MARCHF3: variants seen among roughly 807,000 people sequenced by gnomAD.
MARCHF3 encodes membrane associated ring-CH-type finger 3.
A neutral mutation model predicts 24.2 loss-of-function variants in MARCHF3; 13 were observed. That is an observed-to-expected ratio of 0.54 (90% CI 0.35 to 0.85). MARCHF3 has a LOEUF of 0.85. Among genes scored for constraint, MARCHF3 ranks in the 40% least tolerant of loss-of-function variants. The pLI, the probability that MARCHF3 is intolerant of heterozygous loss-of-function variation, is 0.01. For missense variants in MARCHF3, 276 were observed against 325.0 expected, an observed-to-expected ratio of 0.85 and a Z score of 1.16; for synonymous variants, 144 against 137.3, an observed-to-expected ratio of 1.05 and a Z score of -0.34.
intron 1 of MARCHF3, among the ~76,000 whole-genome samples, chr5:126,934,257 A>T (rs1749567301): frequency 6.6e-6 from 1 of 152,174 alleles, no homozygotes; most frequent in Non-Finnish European, 1.5e-5. Context: ...GCACTTAAGC[A>T]TATTTGCTGA....
chr5:126,876,840 G>C (rs974278522), intron 4 of MARCHF3, among the ~76,000 whole-genome samples: 1 of 152,162 alleles, frequency 6.6e-6, no homozygotes. Context: ...AGTAGAGACA[G>C]GGTTTCGCCA....
intron 3 of MARCHF3, among the ~76,000 whole-genome samples, chr5:126,910,318 A>G (rs971617263): frequency 6.6e-6 from 1 of 152,242 alleles, no homozygotes; most frequent in Non-Finnish European, 1.5e-5. Flanking sequence ...TGTTACAAGC[A>G]TGCTATTTGC....
At chr5:126,978,180 T>C (rs950169647) in intron 1 of MARCHF3, among the ~76,000 whole-genome samples, 2 of 152,206 alleles carry the variant, frequency 1.3e-5, no homozygotes, top group Non-Finnish European at 2.9e-5. Flanking sequence ...AAACCCTCAG[T>C]AAAACCTACC....
chr5:126,956,996 C>T (rs906650265), intron 1 of MARCHF3, among the ~76,000 whole-genome samples: 5 of 152,222 alleles, frequency 3.3e-5, no homozygotes, highest in African/African-American at 7.2e-5. Flanking sequence ...AGGTGATCCT[C>T]CCACCTCAGC....
At chr5:126,966,894 G>A (rs1750829504) in intron 1 of MARCHF3, among the ~76,000 whole-genome samples, 1 of 30,976 alleles carries the variant, frequency 3.2e-5, no homozygotes, top group East Asian at 8.2e-4. Context: ...CTCTTGTTGG[G>A]CTGTGAGAGC....
At chr5:126,996,613 G>T (rs185819120) in intron 1 of MARCHF3, among the ~76,000 whole-genome samples, 1 of 152,136 alleles carries the variant, frequency 6.6e-6, no homozygotes, top group African/African-American at 2.4e-5. Flanking sequence ...CTTCAGTGGG[G>T]ATATGGATCT....
At chr5:126,913,360 C>T (rs1433663185) in intron 3 of MARCHF3, among the ~76,000 whole-genome samples, 1 of 152,214 alleles carries the variant, frequency 6.6e-6, no homozygotes, top group African/African-American at 2.4e-5. Flanking sequence ...GGGGAGGTTC[C>T]ACAAAGTTTC....
At chr5:126,915,190 G>A in intron 2 of MARCHF3, 56 bp from the exon 3 acceptor site, 8 of 1,562,154 alleles carry the variant, frequency 5.1e-6, no homozygotes, top group Non-Finnish European at 6.1e-6. Flanking sequence ...TCCACCAAGT[G>A]GATGGCCCTC....
intron 1 of MARCHF3, among the ~76,000 whole-genome samples, chr5:127,002,583 T>G (rs1393376220): frequency 1.3e-5 from 2 of 152,228 alleles, no homozygotes; most frequent in Non-Finnish European, 2.9e-5. Flanking sequence ...GTTGGTATGT[T>G]TTCTGCATTG....
At chr5:126,895,790 G>T (rs111706357) in intron 3 of MARCHF3, among the ~76,000 whole-genome samples, 1 of 152,178 alleles carries the variant, frequency 6.6e-6, no homozygotes, top group Non-Finnish European at 1.5e-5. Context: ...GCCCCCAGAG[G>T]TGGAGCCTAC....
chr5:126,920,239 T>C (rs1201630281), intron 1 of MARCHF3, among the ~76,000 whole-genome samples: 3 of 151,894 alleles, frequency 2.0e-5, no homozygotes, highest in African/African-American at 7.3e-5. Context: ...ACAGTTGTTT[T>C]GTTTTGTTTT....
chr5:126,986,947 T>A (rs1751585650), intron 1 of MARCHF3, among the ~76,000 whole-genome samples: 1 of 152,264 alleles, frequency 6.6e-6, no homozygotes, highest in Non-Finnish European at 1.5e-5. Context: ...ATAGAATGTA[T>A]GACAGTTTTA....
chr5:126,937,405 G>A (rs1479435940), intron 1 of MARCHF3, among the ~76,000 whole-genome samples: 1 of 151,874 alleles, frequency 6.6e-6, no homozygotes, highest in East Asian at 1.9e-4. Flanking sequence ...TCATATTCTT[G>A]CTAGAGAAGA....
At position 126,931,283 on chromosome 5, in the gene MARCHF3, G is replaced by A. The variant is rs192670239; in HGVS notation, c.-56-13056C>T. On this transcript the variant is annotated intron_variant, in intron 1 of 4. Coordinates refer to ENST00000308660, the MANE Select transcript of MARCHF3 (RefSeq NM_178450.5). ...GTTTCCCTAGAATGCATTGAGAGCT[G>A]CTGAACCAATGAACCAGCAGGAAAC... Among the ~76,000 whole-genome samples the A allele has an allele frequency of 1.1e-3, 161 of 152,256 alleles. 1 individual carries two copies. The highest frequency in any genetic ancestry group is 3.7e-3 in the African/African-American group (154 of 41,558).
At chr5:127,027,779 T>C (rs1055716670) in intron 1 of MARCHF3, among the ~76,000 whole-genome samples, 4 of 152,260 alleles carry the variant, frequency 2.6e-5, no homozygotes, top group Admixed American at 1.3e-4. Context: ...AATTATTTGT[T>C]AAATCAACTC....
intron 1 of MARCHF3, among the ~76,000 whole-genome samples, chr5:126,960,777 G>A (rs1254102057): frequency 6.6e-6 from 1 of 152,078 alleles, no homozygotes; most frequent in Non-Finnish European, 1.5e-5. Context: ...GAACTGTCTA[G>A]CAGTGTGGCA....
At chr5:126,990,681 G>C (rs1751726113) in intron 1 of MARCHF3, among the ~76,000 whole-genome samples, 1 of 152,078 alleles carries the variant, frequency 6.6e-6, no homozygotes, top group Non-Finnish European at 1.5e-5. Context: ...AATCTACAAA[G>C]AACTTAGACA....
chr5:126,906,438 A>C (rs954406943), intron 3 of MARCHF3, among the ~76,000 whole-genome samples: 2 of 152,292 alleles, frequency 1.3e-5, no homozygotes, highest in Non-Finnish European at 2.9e-5. Flanking sequence ...CTGTGAATCC[A>C]TCTGGTCCTG....
chr5:126,990,575 C>A (rs1751718579), intron 1 of MARCHF3, among the ~76,000 whole-genome samples: 1 of 152,154 alleles, frequency 6.6e-6, no homozygotes, highest in Non-Finnish European at 1.5e-5. Flanking sequence ...AGACCTTCTG[C>A]ATGGCAAAAG....
Sources: allele counts gnomAD v4.1 joint callset (sites outside exome capture counted in the v4.1 genomes callset), GRCh38; gene constraint gnomAD v4.1.1; transcripts MANE v1.5; gene names NCBI Gene and HGNC (gene_info 2026-07-23, HGNC 2026-07-21).